NSMCE2: variants seen among roughly 807,000 people sequenced by gnomAD.
NSMCE2 encodes the protein NSE2 SUMO ligase component of SMC5/6 complex, also known as E3 SUMO-protein ligase NSE2.
In NSMCE2, 24 loss-of-function variants were observed where a neutral mutation model predicts 23.8. The observed-to-expected ratio is 1.01, with a 90% confidence interval of 0.73 to 1.42. The LOEUF is 1.42. NSMCE2 is among the 40% of genes most tolerant of loss of function. The pLI is 0.00. For missense variants in NSMCE2, 284 were observed against 296.5 expected (o/e 0.96, Z 0.31); for synonymous variants, 92 against 94.1 (o/e 0.98, Z 0.13).
chr8:125,211,100 G>A (rs1209720299), intron 5 of NSMCE2, among the ~76,000 whole-genome samples: 2 of 152,016 alleles, frequency 1.3e-5, no homozygotes, highest in Non-Finnish European at 2.9e-5. Context: ...GCCCAAGACA[G>A]TCTCTTCTGT....
chr8:125,178,722 T>C (rs148896801), intron 4 of NSMCE2, among the ~76,000 whole-genome samples: 3,279 of 151,896 alleles, frequency 0.022, 128 homozygotes, highest in African/African-American at 0.076. Context: ...TACAAAAAAT[T>C]AGCCGGGCAT....
intron 5 of NSMCE2, among the ~76,000 whole-genome samples, chr8:125,294,318 C>T (rs139289577): frequency 3.3e-3 from 505 of 152,242 alleles, no homozygotes; most frequent in African/African-American, 0.011. Context: ...TGGTATTTAT[C>T]TCACAGTGTA....
intron 3 of NSMCE2, among the ~76,000 whole-genome samples, chr8:125,123,642 A>C (rs951212773): frequency 2.1e-5 from 3 of 140,006 alleles, no homozygotes. Context: ...TGTGTAGATC[A>C]ACATGTCCCA....
At chr8:125,352,476 CAAAA>C (rs1250506610) in intron 5 of NSMCE2, among the ~76,000 whole-genome samples, 1 of 77,876 alleles carries the variant, frequency 1.3e-5, no homozygotes, top group African/African-American at 4.6e-5. Context: ...AAATCCATCT[CAAAA>C]AAAAAAAAAA....
intron 3 of NSMCE2, among the ~76,000 whole-genome samples, chr8:125,118,374 G>A (rs924740236): frequency 1.2e-4 from 18 of 151,360 alleles, no homozygotes; most frequent in Admixed American, 7.2e-4. Context: ...GAGTGAGACT[G>A]TCTTAAAAAC....
At chr8:125,201,219 A>G (rs1269137137) in intron 5 of NSMCE2, among the ~76,000 whole-genome samples, 2 of 152,190 alleles carry the variant, frequency 1.3e-5, no homozygotes, top group African/African-American at 4.8e-5. Flanking sequence ...ATTGCTGGCG[A>G]GGAGCTGTGA....
At chr8:125,222,671 C>T (rs1216556106) in intron 5 of NSMCE2, among the ~76,000 whole-genome samples, 1 of 152,202 alleles carries the variant, frequency 6.6e-6, no homozygotes, top group East Asian at 1.9e-4. Context: ...CCTCCAGGTT[C>T]ATCCATGTTG....
chr8:125,255,201 A>C (rs538600721), intron 5 of NSMCE2, among the ~76,000 whole-genome samples: 2 of 152,206 alleles, frequency 1.3e-5, no homozygotes, highest in Non-Finnish European at 2.9e-5. Flanking sequence ...GAGCTGCCCC[A>C]GTTAATGCTA....
intron 5 of NSMCE2, among the ~76,000 whole-genome samples, chr8:125,332,938 A>G (rs1201712222): frequency 2.0e-5 from 3 of 152,202 alleles, no homozygotes; most frequent in Non-Finnish European, 4.4e-5. Flanking sequence ...TTGGGACCTC[A>G]AGAGAGAGGG....
At chr8:125,344,772 G>A (rs908099288) in intron 5 of NSMCE2, among the ~76,000 whole-genome samples, 1 of 150,104 alleles carries the variant, frequency 6.7e-6, no homozygotes, top group Non-Finnish European at 1.5e-5. Flanking sequence ...AAAATTAATT[G>A]TACTACATGT....
intron 3 of NSMCE2, among the ~76,000 whole-genome samples, chr8:125,127,586 CTCT>C (rs1024383696): frequency 6.6e-6 from 1 of 152,150 alleles, no homozygotes; most frequent in Admixed American, 6.6e-5. Flanking sequence ...TTGTCTCCCT[CTCT>C]TCTTCTGGAA....
chr8:125,275,289 C>T (rs1827405927), intron 5 of NSMCE2, among the ~76,000 whole-genome samples: 1 of 152,172 alleles, frequency 6.6e-6, no homozygotes, highest in African/African-American at 2.4e-5. Flanking sequence ...TTCCCTCACA[C>T]TTCATCCCGT....
At chr8:125,202,156 G>A (rs1436140518) in intron 5 of NSMCE2, among the ~76,000 whole-genome samples, 2 of 152,152 alleles carry the variant, frequency 1.3e-5, no homozygotes, top group Non-Finnish European at 2.9e-5. Flanking sequence ...AAATCCTCTG[G>A]CCCCTTGCGC....
At chr8:125,137,326 C>T (rs1298513150) in intron 3 of NSMCE2, among the ~76,000 whole-genome samples, 2 of 152,140 alleles carry the variant, frequency 1.3e-5, no homozygotes, top group African/African-American at 4.8e-5. Context: ...ATCTTGGAAT[C>T]TTAATGCTTA....
chr8:125,321,340 A>G (rs571434814), intron 5 of NSMCE2, among the ~76,000 whole-genome samples: 1 of 152,326 alleles, frequency 6.6e-6, no homozygotes, highest in African/African-American at 2.4e-5. Context: ...ATCATATGTA[A>G]AAGTAAAATG....
chr8:125,110,368 A>G (rs1401858423), intron 3 of NSMCE2, among the ~76,000 whole-genome samples: 2 of 152,260 alleles, frequency 1.3e-5, no homozygotes, highest in African/African-American at 4.8e-5. Context: ...GCTATAGGGC[A>G]GAAAGATTAC....
rs528815493 is a variant in NSMCE2 at position 125,285,018 on chromosome 8, G to A, written c.419-72201G>A. On this transcript the variant is annotated intron_variant, in intron 5 of 7. Transcript: ENST00000287437. ...CTGGGCCCACATCTGTTTGAATGAT[G>A]CGGCATGAAAAGGATTCTAAATATA... Among the ~76,000 whole-genome samples the A allele has an allele frequency of 2.6e-5, 4 of 152,272 alleles. No homozygotes were observed. In the South Asian group the frequency reaches 8.3e-4, roughly 32 times the overall value.
intron 5 of NSMCE2, among the ~76,000 whole-genome samples, chr8:125,297,631 G>A (rs73336837): frequency 0.11 from 16,629 of 149,700 alleles, 1,277 homozygotes; most frequent in African/African-American, 0.22. Flanking sequence ...AGCAGTTCGA[G>A]ACCAGCCTAG....
chr8:125,167,390 G>A (rs977888195), intron 4 of NSMCE2, among the ~76,000 whole-genome samples: 13 of 152,104 alleles, frequency 8.5e-5, no homozygotes, highest in Admixed American at 3.3e-4. Flanking sequence ...GTCAAGGCCC[G>A]GCATGGTGGT....
Sources: gnomAD v4.1 joint callset for allele counts (sites outside exome capture counted in the v4.1 genomes callset) on GRCh38, gnomAD v4.1.1 for gene constraint, MANE v1.5 for transcripts, NCBI Gene and HGNC (gene_info 2026-07-23, HGNC 2026-07-21) for gene names.